The following NOSTRIN variants were observed in gnomAD, a reference collection of about 807,000 sequenced individuals.
NOSTRIN encodes nitric oxide synthase trafficking.
In NOSTRIN, 63 loss-of-function variants were observed where a neutral mutation model predicts 59.0. The ratio of observed to expected loss-of-function variants is 1.07; its 90% CI spans 0.87 to 1.32. The LOEUF (loss-of-function observed/expected upper bound fraction) is 1.32, where lower values mean the gene tolerates loss of function less well. NOSTRIN is among the 40% of genes most tolerant of loss of function. The pLI, the probability that NOSTRIN is intolerant of heterozygous loss-of-function variation, is 0.00. For missense variants in NOSTRIN, 512 were observed against 473.1 expected (o/e 1.08, Z -0.76); for synonymous variants, 200 against 165.4 (o/e 1.21, Z -1.61).
chr2:168,811,478 T>C (rs1559107360), intron 1 of NOSTRIN, 89 bp from the exon 2 acceptor site: 2 of 560,920 alleles, frequency 3.6e-6, no homozygotes, highest in South Asian at 2.5e-5. Context: ...ATAGTTATAG[T>C]AGTTTTCTGA....
At chr2:168,850,444 C>G (rs1688692314) in intron 8 of NOSTRIN, among the ~76,000 whole-genome samples, 1 of 152,178 alleles carries the variant, frequency 6.6e-6, no homozygotes, top group Non-Finnish European at 1.5e-5. Context: ...CCTCCTTAAA[C>G]AGAGAATTTG....
chr2:168,805,852 C>T (rs1248572798), intron 1 of NOSTRIN, among the ~76,000 whole-genome samples: 11 of 152,256 alleles, frequency 7.2e-5, no homozygotes, highest in South Asian at 6.2e-4. Flanking sequence ...GAATCTGACT[C>T]GCTGCAAAAA....
chr2:168,857,214 G>T (rs911643176), intron 12 of NOSTRIN, among the ~76,000 whole-genome samples: 1 of 152,208 alleles, frequency 6.6e-6, no homozygotes, highest in Admixed American at 6.5e-5. Flanking sequence ...TGGGGCTTTT[G>T]TGAGGGTGAA....
intron 15 of NOSTRIN, among the ~76,000 whole-genome samples, chr2:168,864,245 G>A (rs573488730): frequency 4.0e-5 from 6 of 151,550 alleles, no homozygotes; most frequent in African/African-American, 1.5e-4. Context: ...CCAACGTGCT[G>A]GGATTACAGC....
intron 7 of NOSTRIN, among the ~76,000 whole-genome samples, 174 bp downstream of exon 7, chr2:168,834,499 G>GCACACACACACACACA (rs1352968254): frequency 2.8e-4 from 8 of 28,592 alleles, no homozygotes; most frequent in Middle Eastern, 0.019. Context: ...GTGCGCGCGC[G>GCACACACACACACACA]CGCGCGCGCA....
intron 2 of NOSTRIN, among the ~76,000 whole-genome samples, chr2:168,819,885 T>G (rs143442163): frequency 6.6e-6 from 1 of 152,116 alleles, no homozygotes; most frequent in African/African-American, 2.4e-5. Context: ...CTTCCCACTT[T>G]GCCAGACCCT....
At chr2:168,806,645 A>T (rs1191418563) in intron 1 of NOSTRIN, among the ~76,000 whole-genome samples, 1 of 152,156 alleles carries the variant, frequency 6.6e-6, no homozygotes, top group Non-Finnish European at 1.5e-5. Flanking sequence ...TCCCTTTATC[A>T]GGGGAGAAAA....
At chr2:168,860,654 G>A (rs369509673) in intron 13 of NOSTRIN, 141 bp from the exon 14 acceptor site, 23 of 598,380 alleles carry the variant, frequency 3.8e-5, no homozygotes, top group Admixed American at 1.5e-4. Context: ...CTGGGTGACA[G>A]GGCAAGACTC....
At chr2:168,834,035 T>G (rs527993858) in intron 6 of NOSTRIN, 192 bp from the exon 7 acceptor site, 2 of 528,714 alleles carry the variant, frequency 3.8e-6, no homozygotes, top group East Asian at 6.1e-5. Flanking sequence ...CTCTGATGTT[T>G]TAGGTACATT....
upstream of NOSTRIN, chr2:168,802,530 G>A (rs887121035): frequency 5.3e-6 from 4 of 756,784 alleles, no homozygotes; most frequent in African/African-American, 6.8e-5. Context: ...TGTTTGACAA[G>A]GACTGACGTA....
chr2:168,834,360 T>C (rs943841212), intron 7 of NOSTRIN, 35 bp downstream of exon 7: 1 of 863,868 alleles, frequency 1.2e-6, no homozygotes, highest in African/African-American at 1.6e-5. Flanking sequence ...GCATGTGCCA[T>C]AGAGAGGGAT....
intron 3 of NOSTRIN, 94 bp from the exon 4 acceptor site, chr2:168,828,064 G>C: frequency 1.3e-6 from 1 of 799,696 alleles, no homozygotes; most frequent in South Asian, 1.4e-5. Context: ...GTTGAATGTG[G>C]TGAATCAGAT....
chr2:168,844,763 G>A (rs551506207), intron 8 of NOSTRIN, among the ~76,000 whole-genome samples: 1 of 152,016 alleles, frequency 6.6e-6, no homozygotes, highest in Non-Finnish European at 1.5e-5. Context: ...CCAGCTACTC[G>A]GGAGGCTGAG....
At chr2:168,799,883 T>C (rs1685570460), upstream of NOSTRIN, among the ~76,000 whole-genome samples, 1 of 152,212 alleles carries the variant, frequency 6.6e-6, no homozygotes, top group Non-Finnish European at 1.5e-5. Context: ...TGTCTGCCCC[T>C]CTCTGTCTCT....
chr2:168,823,992 T>C (rs913457129), intron 2 of NOSTRIN, among the ~76,000 whole-genome samples: 6 of 152,132 alleles, frequency 3.9e-5, no homozygotes, highest in Non-Finnish European at 8.8e-5. Flanking sequence ...AAAGAATCAC[T>C]TGAACCTGGG....
Position 168,862,032 on chromosome 2 carries a change from A to C in NOSTRIN, c.1367A>C (p.Glu456Ala). ...TCTTTTCAAGCCAGGCAAGATGATG[A>C]GTTGAATTTGGAAAAGGGTAAGAAT... ...LYSFQARQDD[E>A]LNLEKGDIVI... The change falls in exon 15 of 16, where the codon GAG (glutamate) becomes GCG (alanine). Residue 456 changes from glutamate to alanine, a missense_variant. Coordinates refer to ENST00000317647, the MANE Select transcript of NOSTRIN (RefSeq NM_001039724.4). 6.2e-7 allele frequency: 1 copy of C among 1,614,116 alleles called. No homozygotes were observed.
At chr2:168,826,378 T>C (rs1433098678) in intron 3 of NOSTRIN, among the ~76,000 whole-genome samples, 1 of 152,230 alleles carries the variant, frequency 6.6e-6, no homozygotes, top group Non-Finnish European at 1.5e-5. Flanking sequence ...CTGTGTTAGG[T>C]ACTACAGATA....
At chr2:168,794,721 C>T (rs535216426), upstream of NOSTRIN, among the ~76,000 whole-genome samples, 58 of 152,184 alleles carry the variant, frequency 3.8e-4, no homozygotes, top group African/African-American at 1.3e-3. Context: ...ACAGGGTGCC[C>T]TCAGTCTCAG....
At chr2:168,821,851 C>T (rs144674740) in intron 2 of NOSTRIN, among the ~76,000 whole-genome samples, 157 of 152,348 alleles carry the variant, frequency 1.0e-3, no homozygotes, top group Middle Eastern at 3.4e-3. Context: ...GAAGGGAAAT[C>T]GGAGAGGCTG....
Sources: gnomAD v4.1 joint callset for allele counts (sites outside exome capture counted in the v4.1 genomes callset) on GRCh38, gnomAD v4.1.1 for gene constraint, MANE v1.5 for transcripts, NCBI Gene and HGNC (gene_info 2026-07-23, HGNC 2026-07-21) for gene names.